NIBAN1: variants seen among roughly 807,000 people sequenced by gnomAD.
The protein encoded by NIBAN1 is niban apoptosis regulator 1, also known as protein Niban 1.
A neutral mutation model predicts 75.1 loss-of-function variants in NIBAN1; 81 were observed. The ratio of observed to expected loss-of-function variants is 1.08; its 90% CI spans 0.90 to 1.30. The LOEUF (loss-of-function observed/expected upper bound fraction) is 1.30, where lower values mean the gene tolerates loss of function less well. Among genes scored for constraint, NIBAN1 ranks in the 50% most tolerant of loss-of-function variants. The pLI, the probability that NIBAN1 is intolerant of heterozygous loss-of-function variation, is 0.00. For synonymous variants in NIBAN1, 436 were observed against 424.8 expected, an observed-to-expected ratio of 1.03 and a Z score of -0.32; for missense variants, 1,133 against 1,128.1, an observed-to-expected ratio of 1.00 and a Z score of -0.06.
chr1:184,834,430 C>T (rs1214503076), intron 5 of NIBAN1, among the ~76,000 whole-genome samples: 1 of 152,042 alleles, frequency 6.6e-6, no homozygotes, highest in African/African-American at 2.4e-5. Context: ...TGAGGAATCA[C>T]CACAGTCTTC....
At chr1:184,829,359 G>A (rs1654932363) in intron 6 of NIBAN1, among the ~76,000 whole-genome samples, 1 of 151,644 alleles carries the variant, frequency 6.6e-6, no homozygotes, top group Non-Finnish European at 1.5e-5. Flanking sequence ...CAAGGGACGA[G>A]TCATTTCTCT....
At chr1:184,919,067 G>A (rs1441595089) in intron 1 of NIBAN1, among the ~76,000 whole-genome samples, 3 of 152,158 alleles carry the variant, frequency 2.0e-5, no homozygotes, top group African/African-American at 7.2e-5. Flanking sequence ...CATACTGTGA[G>A]TTTATTATTC....
intron 5 of NIBAN1, among the ~76,000 whole-genome samples, chr1:184,853,556 T>G (rs1278219494): frequency 1.3e-5 from 2 of 152,236 alleles, no homozygotes; most frequent in African/African-American, 4.8e-5. Context: ...TTTTAAGAAC[T>G]AACTTGTGCT....
intron 1 of NIBAN1, among the ~76,000 whole-genome samples, chr1:184,938,466 TCTTC>T (rs1658014747): frequency 6.6e-6 from 1 of 152,178 alleles, no homozygotes; most frequent in East Asian, 1.9e-4. Context: ...TGTCTCCCTT[TCTTC>T]CTTCCTTTCA....
intron 9 of NIBAN1, among the ~76,000 whole-genome samples, chr1:184,816,309 A>AT (rs1297854214): frequency 3.3e-5 from 5 of 152,206 alleles, no homozygotes; most frequent in Non-Finnish European, 7.3e-5. Context: ...AGGATGTCAA[A>AT]TGGTCCCCCT....
chr1:184,827,560 G>GTT (rs58483276), intron 6 of NIBAN1, among the ~76,000 whole-genome samples: 9 of 117,666 alleles, frequency 7.6e-5, no homozygotes, highest in African/African-American at 2.3e-4. Flanking sequence ...AAATACTTCA[G>GTT]TTTTTTTTTT....
chr1:184,878,064 T>C (rs1443359808), intron 5 of NIBAN1, among the ~76,000 whole-genome samples: 1 of 152,062 alleles, frequency 6.6e-6, no homozygotes, highest in African/African-American at 2.4e-5. Flanking sequence ...GGAGATGGGG[T>C]GGAAGTCTGT....
Position 184,827,560 on chromosome 1 carries a change from G to GTTTTTTGTT in NIBAN1, c.718-3819_718-3818insAACAAAAAA, listed in dbSNP as rs1553217802. On this transcript the variant is annotated intron_variant, in intron 6 of 13. Transcript: ENST00000367511. ...ACATAAGTGACCTAAAAATACTTCA[G>GTTTTTTGTT]TTTTTTTTTTTTTTAATGGGGGGTG... is the stretch of plus-strand genomic sequence containing the variant. Among the ~76,000 whole-genome samples, 24 of 117,676 alleles carry GTTTTTTGTT rather than the reference G, an allele frequency of 2.0e-4. 2 individuals carry two copies. Among genetic ancestry groups the GTTTTTTGTT allele is most frequent in the Middle Eastern group, 5.1e-3 (1 of 196 alleles). The allele number at this position is 117,676 out of a possible 152,430, so 77.2% of individuals were successfully genotyped here.
At chr1:184,916,784 C>T (rs183262417) in intron 1 of NIBAN1, among the ~76,000 whole-genome samples, 2 of 152,096 alleles carry the variant, frequency 1.3e-5, no homozygotes, top group Admixed American at 6.5e-5. Flanking sequence ...TGATCCATAA[C>T]ATTATTTCCT....
intron 5 of NIBAN1, among the ~76,000 whole-genome samples, chr1:184,843,910 G>A (rs1418583602): frequency 2.0e-5 from 3 of 152,192 alleles, no homozygotes; most frequent in Non-Finnish European, 4.4e-5. Context: ...TCAGACCACA[G>A]AAACTGGGTC....
At chr1:184,939,400 A>G (rs1361637705) in intron 1 of NIBAN1, among the ~76,000 whole-genome samples, 1 of 152,232 alleles carries the variant, frequency 6.6e-6, no homozygotes, top group Admixed American at 6.5e-5. Flanking sequence ...TACTGTCCCC[A>G]CAATAGAGCA....
chr1:184,794,921 T>C lies in NIBAN1; in HGVS notation c.*56A>G. 4.4e-6 allele frequency: 7 copies of C among 1,599,866 alleles called. No homozygotes were observed. The highest frequency in any genetic ancestry group is 5.1e-6 in the Non-Finnish European group (6 of 1,179,038). On this transcript the variant is annotated 3_prime_UTR_variant, in exon 14 of 14. Coordinates refer to ENST00000367511, the MANE Select transcript of NIBAN1 (RefSeq NM_052966.4). ...ACAGCTTGCATGCAACCCCTAAGTG[T>C]ACCCCTATAACCCTTTGGCTTTTTT...
chr1:184,841,286 G>T (rs1010647008), intron 5 of NIBAN1, among the ~76,000 whole-genome samples: 1 of 152,104 alleles, frequency 6.6e-6, no homozygotes, highest in Non-Finnish European at 1.5e-5. Context: ...AAACCCTGGG[G>T]TTTCATTTAG....
At chr1:184,825,180 G>A (rs1440441770) in intron 6 of NIBAN1, among the ~76,000 whole-genome samples, 2 of 152,136 alleles carry the variant, frequency 1.3e-5, no homozygotes, top group Non-Finnish European at 2.9e-5. Context: ...TTCATTTCCT[G>A]AAAGTCAAGA....
At chr1:184,839,467 C>T (rs981023368) in intron 5 of NIBAN1, among the ~76,000 whole-genome samples, 4 of 151,898 alleles carry the variant, frequency 2.6e-5, no homozygotes, top group Admixed American at 6.6e-5. Context: ...CCCTATAGTA[C>T]GATATACCAC....
rs753915974 is a variant in NIBAN1, at chr1:184,795,117, TCTC to T, written c.2644_2646del (p.Glu882del). 32 of 1,614,122 alleles carry T rather than the reference TCTC, an allele frequency of 2.0e-5. No individual in the cohort carries two copies. The highest frequency in any genetic ancestry group is 2.6e-5 in the Non-Finnish European group (31 of 1,180,040). On this transcript the variant is annotated inframe_deletion, in exon 14 of 14. Coordinates refer to ENST00000367511, the MANE Select transcript of NIBAN1 (RefSeq NM_052966.4). Reference sequence around the variant, plus strand: ...CACTCATGAATACGGGCTACCTTGATCTCCTCTGCATTCACACTGGCCGTGGCC... The same window carrying T: ...CACTCATGAATACGGGCTACCTTGATCTCTGCATTCACACTGGCCGTGGCC...
chr1:184,903,733 C>CTTTTTT (rs368105582), intron 1 of NIBAN1, among the ~76,000 whole-genome samples: 24 of 99,922 alleles, frequency 2.4e-4, no homozygotes, highest in Non-Finnish European at 3.4e-4. Context: ...CCGATTAAAC[C>CTTTTTT]TTTTTTTTTT....
chr1:184,883,279 C>T (rs1261443234), intron 5 of NIBAN1, among the ~76,000 whole-genome samples: 3 of 152,210 alleles, frequency 2.0e-5, no homozygotes, highest in East Asian at 1.9e-4. Flanking sequence ...AGTAACCTCT[C>T]GTTGCTCTTT....
chr1:184,901,001 TAAGTG>T, intron 1 of NIBAN1, among the ~76,000 whole-genome samples: 1 of 152,300 alleles, frequency 6.6e-6, no homozygotes, highest in East Asian at 1.9e-4. Flanking sequence ...ATTTCAAAAA[TAAGTG>T]AAGAGTTCTA....
Sources: allele counts gnomAD v4.1 joint callset (sites outside exome capture counted in the v4.1 genomes callset), GRCh38; gene constraint gnomAD v4.1.1; transcripts MANE v1.5; gene names NCBI Gene and HGNC (gene_info 2026-07-23, HGNC 2026-07-21).